Variants in ZC3H12B observed in about 807,000 individuals in gnomAD.
The protein encoded by ZC3H12B is zinc finger CCCH-type containing 12B.
ZC3H12B carries 7 observed loss-of-function variants against 43.9 expected under a neutral mutation model. That is an observed-to-expected ratio of 0.16 (90% CI 0.09 to 0.30). ZC3H12B has a LOEUF of 0.30. Ranked by LOEUF, ZC3H12B falls within the 10% of genes least tolerant of loss-of-function variation. The pLI is 1.00. For missense variants in ZC3H12B, 475 were observed against 670.2 expected, an observed-to-expected ratio of 0.71 and a Z score of 3.22; for synonymous variants, 222 against 241.7, an observed-to-expected ratio of 0.92 and a Z score of 0.76.
the ZC3H12B span, among the ~76,000 whole-genome samples, chrX:65,219,745 A>G: frequency 9.1e-6 from 1 of 109,956 alleles, no homozygotes; most frequent in African/African-American, 3.3e-5. Context: ...ATAATAAAGG[A>G]AAACTTCTGC....
chrX:65,453,459 G>A (rs1047103348), intron 3 of ZC3H12B, among the ~76,000 whole-genome samples: 6 of 97,580 alleles, frequency 6.1e-5, no homozygotes, highest in Admixed American at 1.2e-4. Context: ...GGTTGCTCAT[G>A]CCTGTAATTC....
At chrX:65,080,786 A>C in the ZC3H12B span, among the ~76,000 whole-genome samples, 1 of 111,849 alleles carries the variant, frequency 8.9e-6, no homozygotes, top group African/African-American at 3.2e-5. Flanking sequence ...ACCTGAAGGT[A>C]CAAAACTCAC....
the ZC3H12B span, among the ~76,000 whole-genome samples, chrX:65,046,337 A>T: frequency 2.7e-5 from 3 of 112,001 alleles, no homozygotes; most frequent in Non-Finnish European, 3.8e-5. Flanking sequence ...CATTATCTTA[A>T]TTAGATCTTC....
At position 65,439,485 on chromosome X, in the gene ZC3H12B, C is replaced by G. The variant is rs779763767; in HGVS notation, n.407+40781C>G. Among the ~76,000 whole-genome samples, 88 of 111,951 alleles carry G rather than the reference C, an allele frequency of 7.9e-4. 2 individuals carry two copies. Among genetic ancestry groups the G allele is most frequent in the African/African-American group, 2.9e-3 (88 of 30,826 alleles). On this transcript the variant is annotated intron_variant and non_coding_transcript_variant, in intron 3 of 5. Transcript: ENST00000617377. Reference sequence around the variant, plus strand: ...CAGCACCTCTGCCTGTTCTGCAAAGCAATCTTCCTAAACAAGTACGTTCAT... The same window carrying G: ...CAGCACCTCTGCCTGTTCTGCAAAGGAATCTTCCTAAACAAGTACGTTCAT...
the ZC3H12B span, among the ~76,000 whole-genome samples, chrX:65,313,358 C>G: frequency 1.8e-5 from 2 of 112,155 alleles, no homozygotes; most frequent in Non-Finnish European, 1.9e-5. Context: ...ATGACTCTTG[C>G]TATTCACATA....
At chrX:65,350,110 A>G in the ZC3H12B span, among the ~76,000 whole-genome samples, 1 of 111,698 alleles carries the variant, frequency 9.0e-6, no homozygotes, top group Non-Finnish European at 1.9e-5. Flanking sequence ...AATCCTCAAT[A>G]CAATACTGGC....
chrX:65,267,355 C>G, the ZC3H12B span, among the ~76,000 whole-genome samples: 1 of 109,661 alleles, frequency 9.1e-6, no homozygotes, highest in African/African-American at 3.3e-5. Context: ...CAGGCTAATA[C>G]CAACCCACAA....
chrX:65,169,702 A>G, the ZC3H12B span, among the ~76,000 whole-genome samples: 1 of 111,962 alleles, frequency 8.9e-6, no homozygotes, highest in South Asian at 3.7e-4. Flanking sequence ...GACTTACTTT[A>G]TGAATCTGGG....
the ZC3H12B span, among the ~76,000 whole-genome samples, chrX:65,334,711 G>A: frequency 1.8e-5 from 2 of 111,234 alleles, no homozygotes; most frequent in African/African-American, 6.5e-5. Context: ...TGGGGCTCTT[G>A]GAGGAAAAGT....
chrX:65,422,364 G>T (rs1242356722), intron 3 of ZC3H12B, among the ~76,000 whole-genome samples: 1 of 111,656 alleles, frequency 9.0e-6, no homozygotes, highest in Non-Finnish European at 1.9e-5. Flanking sequence ...ATATCGATTA[G>T]TTGTTAGGTG....
chrX:65,429,668 G>A lies in ZC3H12B; in HGVS notation n.407+30964G>A, dbSNP rs760140641. Among the ~76,000 whole-genome samples, 180 of 111,794 alleles carry A rather than the reference G, an allele frequency of 1.6e-3. 1 individual carries two copies. The highest frequency in any genetic ancestry group is 2.8e-3 in the Non-Finnish European group (146 of 53,074). ...GAGACTGTTCACCATGAGACCACCC[G>A]TCTCTTTGGGGTCTCTGTCCCAGGG... On this transcript the variant is annotated intron_variant and non_coding_transcript_variant, in intron 3 of 5. Coordinates refer to the ZC3H12B transcript ENST00000617377.
At chrX:65,141,227 G>T in the ZC3H12B span, among the ~76,000 whole-genome samples, 3 of 110,041 alleles carry the variant, frequency 2.7e-5, no homozygotes, top group East Asian at 8.4e-4. Context: ...GCTGAATTTC[G>T]TAAGTTTTGG....
chrX:65,109,812 C>T, the ZC3H12B span, among the ~76,000 whole-genome samples: 2 of 111,513 alleles, frequency 1.8e-5, no homozygotes, highest in Non-Finnish European at 3.8e-5. Context: ...TATATTCCCT[C>T]CAGCAAATGT....
chrX:65,083,339 T>G, the ZC3H12B span, among the ~76,000 whole-genome samples: 1 of 111,803 alleles, frequency 8.9e-6, no homozygotes, highest in African/African-American at 3.2e-5. Context: ...TTTGCAGATA[T>G]GATCTTATAC....
chrX:65,060,570 A>C, the ZC3H12B span, among the ~76,000 whole-genome samples: 3 of 111,924 alleles, frequency 2.7e-5, no homozygotes, highest in Admixed American at 9.5e-5. Flanking sequence ...ATGATGAATG[A>C]TCTTTCTAAT....
At chrX:65,110,859 G>T in the ZC3H12B span, among the ~76,000 whole-genome samples, 1 of 110,953 alleles carries the variant, frequency 9.0e-6, no homozygotes, top group Non-Finnish European at 1.9e-5. Context: ...TCCAATCCAT[G>T]AATTCATATC....
At chrX:65,235,601 G>A in the ZC3H12B span, among the ~76,000 whole-genome samples, 7 of 111,227 alleles carry the variant, frequency 6.3e-5, no homozygotes, top group East Asian at 1.7e-3. Flanking sequence ...TTGCTTGCCT[G>A]CTGTGGCTCT....
the ZC3H12B span, among the ~76,000 whole-genome samples, chrX:65,172,827 G>A: frequency 8.9e-6 from 1 of 111,918 alleles, no homozygotes. Flanking sequence ...TATTACTGTA[G>A]CCTTGTAGTA....
the ZC3H12B span, among the ~76,000 whole-genome samples, chrX:65,190,781 A>G: frequency 1.6e-4 from 17 of 104,801 alleles, no homozygotes; most frequent in Admixed American, 5.2e-4. Context: ...CTAATTGAAT[A>G]CCCTTTATTT....
Sources: allele counts gnomAD v4.1 joint callset (sites outside exome capture counted in the v4.1 genomes callset), GRCh38; gene constraint gnomAD v4.1.1; transcripts MANE v1.5; gene names NCBI Gene and HGNC (gene_info 2026-07-23, HGNC 2026-07-21).